The following ATF2 variants were observed in gnomAD, a reference collection of about 807,000 sequenced individuals.
ATF2 encodes the protein cyclic AMP-dependent transcription factor ATF-2.
A neutral mutation model predicts 60.6 loss-of-function variants in ATF2; 24 were observed. The ratio of observed to expected loss-of-function variants is 0.40; its 90% CI spans 0.29 to 0.56. The LOEUF (loss-of-function observed/expected upper bound fraction) is 0.56, where lower values mean the gene tolerates loss of function less well. ATF2 is among the 20% of genes least tolerant of loss of function. ATF2 has a pLI of 0.54. For missense variants in ATF2, 433 were observed against 607.7 expected (o/e 0.71, Z 3.02); for synonymous variants, 206 against 215.4 (o/e 0.96, Z 0.38).
intron 1 of ATF2, among the ~76,000 whole-genome samples, chr2:175,157,436 C>G (rs980352353): frequency 1.3e-5 from 2 of 152,126 alleles, no homozygotes; most frequent in Non-Finnish European, 2.9e-5. Flanking sequence ...AAGCAAACGT[C>G]TGGGAGGAAC....
chr2:175,104,539 T>C (rs981560146), intron 10 of ATF2, among the ~76,000 whole-genome samples: 9 of 152,162 alleles, frequency 5.9e-5, no homozygotes, highest in African/African-American at 2.2e-4. Context: ...CTAGGGAATG[T>C]GAGCTGGGAA....
intron 10 of ATF2, among the ~76,000 whole-genome samples, chr2:175,109,034 C>T (rs901459096): frequency 3.3e-5 from 5 of 152,220 alleles, no homozygotes; most frequent in Admixed American, 1.3e-4. Flanking sequence ...ACAAACACTG[C>T]GGAAGGCCGC....
At chr2:175,132,563 A>G (rs1697810329) in intron 3 of ATF2, 1 of 152,228 alleles carries the variant, frequency 6.6e-6, no homozygotes, top group Non-Finnish European at 1.5e-5. Flanking sequence ...TCTATGTCAT[A>G]AGAAATAACC....
At position 175,146,061 on chromosome 2, in the gene ATF2, T is replaced by C. The variant is rs560633544; in HGVS notation, c.-44+4999A>G. On this transcript the variant is annotated intron_variant, in intron 2 of 13. Coordinates refer to ENST00000264110, the MANE Select transcript of ATF2 (RefSeq NM_001880.4). ...TTAACCCCACGAGAAATAAGAAAGA[T>C]AAAATCATGTGCCACTGATAGAATG... 2.6e-5 allele frequency among the ~76,000 whole-genome samples: 4 copies of C among 152,188 alleles called. No individual in the cohort carries two copies. The East Asian group carries it at 7.7e-4, about 29-fold the overall frequency.
At chr2:175,152,057 A>G (rs756272166) in intron 1 of ATF2, among the ~76,000 whole-genome samples, 1 of 152,186 alleles carries the variant, frequency 6.6e-6, no homozygotes, top group Non-Finnish European at 1.5e-5. Context: ...TTATTTCACC[A>G]TATGCTTAAG....
chr2:175,098,081 T>C (rs1168225678), intron 10 of ATF2, among the ~76,000 whole-genome samples: 1 of 152,202 alleles, frequency 6.6e-6, no homozygotes, highest in Non-Finnish European at 1.5e-5. Flanking sequence ...TCAATAAAAA[T>C]TTGTCATATG....
At position 175,073,100 on chromosome 2, in the gene ATF2, A is replaced by G. The variant is rs1693047963; in HGVS notation, c.*1509T>C. The stretch of plus-strand genomic sequence containing the variant: ...AGTGGAATCCTGCTTGAATGCCAGA[A>G]GTTGCTACTGGGTAGGACTCATAAC... On this transcript the variant is annotated 3_prime_UTR_variant, in exon 14 of 14. Coordinates refer to ENST00000264110, the MANE Select transcript of ATF2 (RefSeq NM_001880.4). 6.6e-6 allele frequency: 1 copy of G among 152,152 alleles called. No individual in the cohort carries two copies. Among genetic ancestry groups the G allele is most frequent in the African/African-American group, 2.4e-5 (1 of 41,438 alleles). 9.4% of individuals were successfully genotyped at this position (152,152 alleles called of 1,614,324 possible). A position where few individuals can be genotyped will look rare whatever the true frequency, so the allele number is the denominator to read the frequency against.
chr2:175,119,116 T>TA (rs1696779082), intron 5 of ATF2, among the ~76,000 whole-genome samples: 1 of 151,662 alleles, frequency 6.6e-6, no homozygotes, highest in Admixed American at 6.6e-5. Context: ...TTAACATAGG[T>TA]ACTCAGTGTC....
In ATF2 at chr2:175,135,006, TAAAA is replaced by T. The variant is rs60122560; in HGVS notation, c.32+1402_32+1405del. 3.7e-3 allele frequency among the ~76,000 whole-genome samples: 315 copies of T among 85,768 alleles called. 5 individuals are homozygous for T. Among genetic ancestry groups the T allele is most frequent in the African/African-American group, 0.013 (286 of 22,428 alleles). The allele number at this position is 85,768 out of a possible 152,430, so 56.3% of individuals were successfully genotyped here. ...GTGACAAAATAAGACCCCATCTCTT[TAAAA>T]AAAAAAAAAAAAAAAAAAAAAAGAC... On this transcript the variant is annotated intron_variant, in intron 3 of 13. Coordinates refer to ENST00000264110, the MANE Select transcript of ATF2 (RefSeq NM_001880.4).
chr2:175,162,985 T>G (rs1223012092), intron 1 of ATF2, among the ~76,000 whole-genome samples: 1 of 151,752 alleles, frequency 6.6e-6, no homozygotes, highest in Non-Finnish European at 1.5e-5. Context: ...TATTAAAAAA[T>G]TTGCCGGGCG....
chr2:175,083,677 C>A (rs1184527033), intron 12 of ATF2, among the ~76,000 whole-genome samples: 1 of 152,000 alleles, frequency 6.6e-6, no homozygotes, highest in Non-Finnish European at 1.5e-5. Context: ...TTCTGCACAG[C>A]AAAAGAAACT....
chr2:175,147,825 A>T (rs1699051991), intron 2 of ATF2: 1 of 152,224 alleles, frequency 6.6e-6, no homozygotes, highest in Admixed American at 6.5e-5. Context: ...GGGAACATAA[A>T]TCAAAAGCAT....
intron 2 of ATF2, among the ~76,000 whole-genome samples, chr2:175,142,380 G>A (rs918696399): frequency 1.3e-5 from 2 of 151,874 alleles, no homozygotes; most frequent in African/African-American, 2.4e-5. Flanking sequence ...TGTTGGCCAG[G>A]CTGGTCTTGA....
chr2:175,164,507 G>A (rs1452789290), intron 1 of ATF2, among the ~76,000 whole-genome samples: 1 of 152,134 alleles, frequency 6.6e-6, no homozygotes, highest in Non-Finnish European at 1.5e-5. Flanking sequence ...GCACTCCAGC[G>A]TGGAAGCCAG....
chr2:175,091,177 T>A (rs1175278990), intron 12 of ATF2, among the ~76,000 whole-genome samples: 1 of 152,172 alleles, frequency 6.6e-6, no homozygotes, highest in Non-Finnish European at 1.5e-5. Context: ...AGGAAAATAA[T>A]GGTAAATTTG....
At chr2:175,152,785 G>A (rs1187639173) in intron 1 of ATF2, among the ~76,000 whole-genome samples, 1 of 152,072 alleles carries the variant, frequency 6.6e-6, no homozygotes, top group Non-Finnish European at 1.5e-5. Flanking sequence ...AGGGAAAAAG[G>A]ACCCAAATAG....
intron 10 of ATF2, among the ~76,000 whole-genome samples, chr2:175,110,117 A>G (rs1696068203): frequency 6.6e-6 from 1 of 152,158 alleles, no homozygotes; most frequent in Non-Finnish European, 1.5e-5. Flanking sequence ...AGGGGGGATC[A>G]CGAGGTCAGG....
intron 2 of ATF2, among the ~76,000 whole-genome samples, chr2:175,140,378 C>G (rs1028536023): frequency 1.6e-4 from 24 of 152,232 alleles, no homozygotes; most frequent in African/African-American, 5.1e-4. Context: ...CAAGTGAAAG[C>G]AGACAGTCAA....
At chr2:175,084,598 A>G (rs1390395229) in intron 12 of ATF2, among the ~76,000 whole-genome samples, 1 of 151,228 alleles carries the variant, frequency 6.6e-6, no homozygotes, top group Non-Finnish European at 1.5e-5. Context: ...TACATATGTA[A>G]CTAACCGGCA....
Sources: gnomAD v4.1 joint callset for allele counts (sites outside exome capture counted in the v4.1 genomes callset) on GRCh38, gnomAD v4.1.1 for gene constraint, MANE v1.5 for transcripts, NCBI Gene and HGNC (gene_info 2026-07-23, HGNC 2026-07-21) for gene names.